The following IGBP1 variants were observed in gnomAD, a reference collection of about 807,000 sequenced individuals.
The protein encoded by IGBP1 is immunoglobulin binding protein 1, also known as immunoglobulin-binding protein 1.
IGBP1 carries 2 observed loss-of-function variants against 25.9 expected under a neutral mutation model. The observed-to-expected ratio is 0.08, with a 90% CI of 0.03 to 0.24. IGBP1 has a LOEUF of 0.24. Among genes scored for constraint, IGBP1 ranks in the 10% least tolerant of loss-of-function variants. The pLI is 1.00. For synonymous variants in IGBP1, 96 were observed against 93.4 expected, an observed-to-expected ratio of 1.03 and a Z score of -0.16; for missense variants, 187 against 260.4, an observed-to-expected ratio of 0.72 and a Z score of 1.94.
intron 6 of IGBP1, among the ~76,000 whole-genome samples, chrX:70,160,383 C>G (rs1435459061): frequency 2.7e-5 from 3 of 111,970 alleles, no homozygotes; most frequent in Non-Finnish European, 5.6e-5. Context: ...TAAAGGAAAG[C>G]AACTTAGGTT....
intron 6 of IGBP1, among the ~76,000 whole-genome samples, chrX:70,154,969 T>TG (rs755099553): frequency 5.5e-5 from 6 of 109,779 alleles, no homozygotes; most frequent in Non-Finnish European, 1.1e-4. Context: ...AAAGAAAGTA[T>TG]ACAGATGACA....
rs1029624458 is a variant in IGBP1 at position 70,147,252 on chromosome X, G to C, written c.678+424G>C. ...AGTTTGAGACCAGCCTGGCCAACAT[G>C]GCGAAACCCCCTCTACTAAAAATAG... On this transcript the variant is annotated intron_variant, in intron 4 of 6. Coordinates refer to ENST00000356413, the MANE Select transcript of IGBP1 (RefSeq NM_001551.3). 9.0e-5 allele frequency among the ~76,000 whole-genome samples: 10 copies of C among 111,032 alleles called. No individual in the cohort carries two copies. In the South Asian group the frequency reaches 1.9e-3, roughly 21 times the overall value.
Position 70,133,881 on chromosome X carries a change from A to T in IGBP1, c.-67A>T. ...CTTCCGGTTTTGTCCGCGCTCGCCT[A>T]ATTCTTCTTTATCAAGGTTGCCTTT... On this transcript the variant is annotated 5_prime_UTR_variant, in exon 2 of 7. Transcript: ENST00000356413. 3 of 1,035,341 alleles carry T rather than the reference A, an allele frequency of 2.9e-6. No homozygotes were observed. Among genetic ancestry groups the T allele is most frequent in the Non-Finnish European group, 4.0e-6 (3 of 747,877 alleles). The allele number at this position is 1,035,341 out of a possible 1,213,427, so 85.3% of individuals were successfully genotyped here.
intron 6 of IGBP1, among the ~76,000 whole-genome samples, chrX:70,161,451 C>T (rs867930882): frequency 3.5e-4 from 39 of 111,406 alleles, no homozygotes; most frequent in Admixed American, 5.8e-4. Flanking sequence ...GATTCTAGGG[C>T]TGAGGCAGGG....
chrX:70,160,227 G>A (rs1354357987), intron 6 of IGBP1, among the ~76,000 whole-genome samples: 4 of 111,158 alleles, frequency 3.6e-5, no homozygotes, highest in African/African-American at 1.3e-4. Context: ...TGGAGGGCTC[G>A]AGCGCCACGG....
intron 5 of IGBP1, chrX:70,149,702 AAG>A (rs1177776281): frequency 8.1e-6 from 1 of 122,890 alleles, no homozygotes; most frequent in African/African-American, 3.3e-5. Flanking sequence ...TAAAACAAAA[AAG>A]GAAAATAATT....
chrX:70,133,979 G>A lies in IGBP1; in HGVS notation c.32G>A (p.Arg11Gln). Residue 11 changes from arginine (R) to glutamine (Q), a missense_variant, in exon 2 of 7, where the codon CGG becomes CAG. By Grantham distance (43) the Arg-to-Gln change is conservative. Transcript: ENST00000356413. MAAEDELQLP[R>Q]LPELFETGRQ... ...GCTGAGGACGAGTTACAGCTGCCGC[G>A]GCTCCCCGAGCTGTTCGAAACTGGT... 9 of 1,211,423 alleles carry A rather than the reference G, an allele frequency of 7.4e-6. No homozygotes were observed. The highest frequency in any genetic ancestry group is 1.0e-5 in the Non-Finnish European group (9 of 895,187).
intron 4 of IGBP1, among the ~76,000 whole-genome samples, chrX:70,148,044 C>T (rs1316306949): frequency 1.8e-5 from 2 of 111,816 alleles, no homozygotes; most frequent in Non-Finnish European, 1.9e-5. Flanking sequence ...CTGTCCCTTT[C>T]TTTGTGTGTG....
In IGBP1 at chrX:70,134,242, C is replaced by T. The variant is rs762279872; in HGVS notation, c.188+107C>T. On this transcript the variant is annotated intron_variant, in intron 2 of 6. Coordinates refer to ENST00000356413, the MANE Select transcript of IGBP1 (RefSeq NM_001551.3). ...GGGACCTTTAGTGGTGAGAACGTTT[C>T]GTTCCTACTTACCACTGCGATCTTG... is the stretch of plus-strand genomic sequence containing the variant. 8 of 723,327 alleles carry T rather than the reference C, an allele frequency of 1.1e-5. No individual in the cohort carries two copies. The South Asian group carries it at 1.6e-4, about 15-fold the overall frequency. The allele number at this position is 723,327 out of a possible 1,213,427, so 59.6% of individuals were successfully genotyped here. A position where few individuals can be genotyped will look rare whatever the true frequency, so the allele number is the denominator to read the frequency against.
rs1463971304 is a variant in IGBP1, at chrX:70,166,312, G to A, written c.*331G>A. The A allele has an allele frequency of 6.0e-6, 1 of 167,945 alleles. No individual in the cohort carries two copies. The highest frequency in any genetic ancestry group is 1.1e-5 in the Non-Finnish European group (1 of 89,712). The allele number at this position is 167,945 out of a possible 1,213,427, so 13.8% of individuals were successfully genotyped here. On this transcript the variant is annotated 3_prime_UTR_variant, in exon 7 of 7. Transcript: ENST00000356413. ...AATAAAAGTCCCCTCTATTATATGA[G>A]CCTGTACAGAAATATGGCTATCAGC... is the stretch of plus-strand genomic sequence containing the variant.
At chrX:70,146,120 A>C (rs1202194141) in intron 3 of IGBP1, among the ~76,000 whole-genome samples, 1 of 112,107 alleles carries the variant, frequency 8.9e-6, no homozygotes, top group Non-Finnish European at 1.9e-5. Context: ...ATGAGTCTTC[A>C]GATGATAAAA....
intron 3 of IGBP1, among the ~76,000 whole-genome samples, chrX:70,136,725 ATT>A (rs2085097282): frequency 4.9e-5 from 5 of 101,145 alleles, no homozygotes; most frequent in African/African-American, 2.2e-4. Context: ...TATTATTATT[ATT>A]ATACAGAGTT....
chrX:70,134,159 G>A (rs2085080787), intron 2 of IGBP1, 24 bp downstream of exon 2: 1 of 1,181,473 alleles, frequency 8.5e-7, no homozygotes, highest in East Asian at 3.0e-5. Context: ...TAGTAATAAT[G>A]GCTGAGAACG....
intron 4 of IGBP1, among the ~76,000 whole-genome samples, chrX:70,147,040 G>A (rs1046023758): frequency 8.9e-6 from 1 of 111,818 alleles, no homozygotes; most frequent in Non-Finnish European, 1.9e-5. Context: ...TAATTTTGTG[G>A]TATACCATGG....
intron 3 of IGBP1, among the ~76,000 whole-genome samples, chrX:70,138,480 CAAAA>C (rs35566042): frequency 1.8e-5 from 1 of 54,496 alleles, no homozygotes; most frequent in African/African-American, 7.6e-5. Context: ...GACCCTGTCT[CAAAA>C]AAAAAAAAAA....
intron 6 of IGBP1, among the ~76,000 whole-genome samples, chrX:70,151,183 A>T (rs1008918217): frequency 6.3e-5 from 7 of 110,412 alleles, no homozygotes; most frequent in Admixed American, 9.6e-5. Flanking sequence ...CTGGTCTCGA[A>T]CTCCTGACCT....
intron 6 of IGBP1, among the ~76,000 whole-genome samples, chrX:70,157,279 C>T (rs1201371449): frequency 9.3e-6 from 1 of 107,141 alleles, no homozygotes; most frequent in Admixed American, 1.0e-4. Context: ...GGGGTGGGGG[C>T]ATAGGGAACA....
intron 6 of IGBP1, among the ~76,000 whole-genome samples, chrX:70,165,400 G>A (rs1306372787): frequency 9.0e-6 from 1 of 110,899 alleles, no homozygotes; most frequent in Non-Finnish European, 1.9e-5. Flanking sequence ...AGGAGGAAAC[G>A]TCAACTGCAA....
chrX:70,133,575 C>G (rs974442730), intron 1 of IGBP1, 35 bp downstream of exon 1: 11 of 379,738 alleles, frequency 2.9e-5, no homozygotes, highest in Non-Finnish European at 4.5e-5. Flanking sequence ...CTAAAACGCA[C>G]TCGCTCGTCC....
Sources: allele counts gnomAD v4.1 joint callset (sites outside exome capture counted in the v4.1 genomes callset), GRCh38; gene constraint gnomAD v4.1.1; transcripts MANE v1.5; gene names NCBI Gene and HGNC (gene_info 2026-07-23, HGNC 2026-07-21).